Variants in ADGRG2 observed in about 807,000 individuals in gnomAD.
The protein encoded by ADGRG2 is adhesion G protein-coupled receptor G2, also known as G protein-coupled receptor 64.
Under a neutral mutation model 74.1 loss-of-function variants are expected in ADGRG2, and 26 were observed. The ratio of observed to expected loss-of-function variants is 0.35; its 90% CI spans 0.26 to 0.49. ADGRG2 has a LOEUF of 0.49. Among genes scored for constraint, ADGRG2 ranks in the 20% least tolerant of loss-of-function variants. The probability of loss-of-function intolerance (pLI) is 0.99; values close to 1 mark genes in which losing one functional copy is unlikely to be tolerated. For missense variants in ADGRG2, 619 were observed against 763.1 expected, an observed-to-expected ratio of 0.81 and a Z score of 2.22; for synonymous variants, 296 against 295.2, an observed-to-expected ratio of 1.00 and a Z score of -0.03.
At chrX:19,049,455 T>TTTTTTTTTTTTTTTTTTG (rs1328733136) in intron 3 of ADGRG2, among the ~76,000 whole-genome samples, 4 of 90,993 alleles carry the variant, frequency 4.4e-5, no homozygotes, top group African/African-American at 1.4e-4. Context: ...TTTTTTTTTT[T>TTTTTTTTTTTTTTTTTTG]TTGTTGTTGT....
At chrX:19,082,988 T>G (rs182713848) in intron 1 of ADGRG2, among the ~76,000 whole-genome samples, 3 of 110,240 alleles carry the variant, frequency 2.7e-5, no homozygotes, top group African/African-American at 6.6e-5. Flanking sequence ...GGACTGATCT[T>G]GTTAATGTGT....
intron 1 of ADGRG2, among the ~76,000 whole-genome samples, chrX:19,087,692 C>A (rs2061955516): frequency 8.9e-6 from 1 of 111,889 alleles, no homozygotes; most frequent in Non-Finnish European, 1.9e-5. Flanking sequence ...GACCCCTGGT[C>A]ATCAGTCTGG....
intron 1 of ADGRG2, among the ~76,000 whole-genome samples, chrX:19,110,872 AG>A (rs1254194203): frequency 9.0e-6 from 1 of 111,629 alleles, no homozygotes; most frequent in East Asian, 2.8e-4. Flanking sequence ...AGAACATGGC[AG>A]ACTTCCATAG....
intron 15 of ADGRG2, among the ~76,000 whole-genome samples, chrX:19,017,642 A>G (rs991616745): frequency 8.9e-6 from 1 of 111,743 alleles, no homozygotes; most frequent in Non-Finnish European, 1.9e-5. Context: ...ATCCTGCTAC[A>G]AATCCTTAAC....
Position 18,990,891 on chromosome X carries a change from T to C in ADGRG2, c.3027A>G (p.Gly1009=). ...RMALRRTSKR[G]SLHFIEQM ...ACATTTGCTCAATAAAGTGTAAGCT[T>C]CCCCGCTTTGAAGTCCTTCTGAGAG... Residue 1009 remains glycine, a synonymous_variant, in exon 29 of 29, where the codon GGA becomes GGG. Coordinates refer to ENST00000379869, the MANE Select transcript of ADGRG2 (RefSeq NM_001079858.3). 4 of 1,205,178 alleles carry C rather than the reference T, an allele frequency of 3.3e-6. No individual in the cohort carries two copies. The highest frequency in any genetic ancestry group is 4.5e-6 in the Non-Finnish European group (4 of 891,195).
chrX:19,058,371 G>A (rs1385721432), intron 3 of ADGRG2, among the ~76,000 whole-genome samples: 1 of 110,233 alleles, frequency 9.1e-6, no homozygotes, highest in East Asian at 2.9e-4. Context: ...CCAAAACCCA[G>A]AATTGGTTAG....
intron 2 of ADGRG2, among the ~76,000 whole-genome samples, chrX:19,081,185 A>C (rs2061840843): frequency 9.0e-6 from 1 of 111,444 alleles, no homozygotes; most frequent in East Asian, 2.8e-4. Flanking sequence ...AAAACAAGGA[A>C]GCAGAACACA....
chrX:19,091,431 C>G lies in ADGRG2; in HGVS notation c.-46-8685G>C, dbSNP rs773282719. On this transcript the variant is annotated intron_variant, in intron 1 of 28. Transcript: ENST00000379869. ...CATTGTTCTGAAGGTCTGAGCAATT[C>G]AGTAAAACAAAAATACAAAGTAAGA... 3.7e-5 allele frequency among the ~76,000 whole-genome samples: 4 copies of G among 107,689 alleles called. No individual in the cohort carries two copies. The Admixed American group carries it at 4.1e-4, about 11-fold the overall frequency. The allele number at this position is 107,689 out of a possible 115,157, so 93.5% of individuals were successfully genotyped here.
At chrX:19,039,050 A>G (rs1446825945) in intron 4 of ADGRG2, among the ~76,000 whole-genome samples, 1 of 111,854 alleles carries the variant, frequency 8.9e-6, no homozygotes, top group Non-Finnish European at 1.9e-5. Flanking sequence ...TGCCTGGCAC[A>G]TATGTTATCT....
chrX:19,112,888 A>G (rs145462683), intron 1 of ADGRG2, among the ~76,000 whole-genome samples: 6,791 of 100,987 alleles, frequency 0.067, 586 homozygotes, highest in African/African-American at 0.23. Flanking sequence ...AACCCGGGAG[A>G]TGGAGGTTGC....
chrX:19,083,170 A>ATT lies in ADGRG2; in HGVS notation c.-46-426_-46-425dup, dbSNP rs58522004. Among the ~76,000 whole-genome samples the ATT allele has an allele frequency of 5.2e-3, 433 of 83,117 alleles. 5 individuals carry two copies. The highest frequency in any genetic ancestry group is 0.013 in the African/African-American group (283 of 21,052). 72.2% of individuals were successfully genotyped at this position (83,117 alleles called of 115,157 possible). A position where few individuals can be genotyped will look rare whatever the true frequency, so the allele number is the denominator to read the frequency against. ...AGGCACACGCTACCACACCCGGCTA[A>ATT]TTTTTTTTTTTTTTTTTTTTTGTAT... is the stretch of plus-strand genomic sequence containing the variant. On this transcript the variant is annotated intron_variant, in intron 1 of 28. Coordinates refer to ENST00000379869, the MANE Select transcript of ADGRG2 (RefSeq NM_001079858.3).
chrX:19,065,188 T>G (rs1313735126), intron 3 of ADGRG2, among the ~76,000 whole-genome samples: 6 of 97,840 alleles, frequency 6.1e-5, no homozygotes, highest in Non-Finnish European at 1.2e-4. Context: ...AAGGAACACC[T>G]GAGCCCGGGA....
chrX:19,018,025 C>T (rs1012603426), intron 15 of ADGRG2, among the ~76,000 whole-genome samples: 1 of 112,006 alleles, frequency 8.9e-6, no homozygotes, highest in Admixed American at 9.5e-5. Flanking sequence ...TTTTGGAGCA[C>T]CCATCTCCCA....
chrX:19,110,191 G>A lies in ADGRG2; in HGVS notation c.-47+12251C>T, dbSNP rs149501369. ...AGATGTGGACCCTGCTCACATTCTA[G>A]TGTGAGGAGGGTGGAAGGAGGAGAA... On this transcript the variant is annotated intron_variant, in intron 1 of 28. Transcript: ENST00000379869. 4.9e-3 allele frequency among the ~76,000 whole-genome samples: 552 copies of A among 111,819 alleles called. 4 individuals carry two copies. Among genetic ancestry groups the A allele is most frequent in the African/African-American group, 0.017 (523 of 30,819 alleles).
chrX:19,049,628 A>ATTT (rs1215566484), intron 3 of ADGRG2, among the ~76,000 whole-genome samples: 2 of 100,868 alleles, frequency 2.0e-5, no homozygotes, highest in African/African-American at 7.3e-5. Context: ...TTTTTTTGTG[A>ATTT]TTTTTTTTTT....
intron 1 of ADGRG2, among the ~76,000 whole-genome samples, chrX:19,087,417 C>T (rs1048597004): frequency 2.7e-5 from 3 of 112,156 alleles, no homozygotes; most frequent in Non-Finnish European, 3.8e-5. Flanking sequence ...ATGGGAGCAC[C>T]GAGGAAGGAC....
At chrX:19,057,773 G>C (rs1224815176) in intron 3 of ADGRG2, among the ~76,000 whole-genome samples, 1 of 111,487 alleles carries the variant, frequency 9.0e-6, no homozygotes, top group African/African-American at 3.3e-5. Flanking sequence ...CCAGGTGTTA[G>C]AGACTGCAGT....
intron 1 of ADGRG2, among the ~76,000 whole-genome samples, chrX:19,106,788 CG>C (rs1187854087): frequency 9.1e-6 from 1 of 109,344 alleles, no homozygotes; most frequent in Non-Finnish European, 1.9e-5. Context: ...GCGGTGGTGG[CG>C]GGCACCTACA....
chrX:19,062,975 G>A (rs909579842), intron 3 of ADGRG2, among the ~76,000 whole-genome samples: 5 of 104,559 alleles, frequency 4.8e-5, no homozygotes, highest in African/African-American at 1.8e-4. Context: ...AAATAGAATA[G>A]TTGTATCTAA....
Sources: allele counts gnomAD v4.1 joint callset (sites outside exome capture counted in the v4.1 genomes callset), GRCh38; gene constraint gnomAD v4.1.1; transcripts MANE v1.5; gene names NCBI Gene and HGNC (gene_info 2026-07-23, HGNC 2026-07-21).